The following LPCAT1 variants were observed in gnomAD, a reference collection of about 807,000 sequenced individuals.
LPCAT1 encodes 1-acylglycerol-3-phosphate O-acyltransferase.
In LPCAT1, 23 loss-of-function variants were observed where a neutral mutation model predicts 60.9. The ratio of observed to expected loss-of-function variants is 0.38; its 90% CI spans 0.27 to 0.53. The LOEUF is 0.53. Ranked by LOEUF, LPCAT1 falls within the 20% of genes least tolerant of loss-of-function variation. The pLI is 0.82. For synonymous variants in LPCAT1, 340 were observed against 301.1 expected (o/e 1.13, Z -1.34); for missense variants, 622 against 723.6 (o/e 0.86, Z 1.61).
rs1441599893 is a variant in LPCAT1, at chr5:1,477,758, C to T, written c.817-272G>A. ...AGAACATCTGGCTCTCTGATCTACA[C>T]TCACCCCCGTCAGTGCTCCTGGGAG... On this transcript the variant is annotated intron_variant, in intron 8 of 13. Coordinates refer to ENST00000283415, the MANE Select transcript of LPCAT1 (RefSeq NM_024830.5). The surrounding 1 kb of genome is among the most constrained non-coding windows in gnomAD (Gnocchi z 6.0). Among the ~76,000 whole-genome samples the T allele has an allele frequency of 4.0e-5, 6 of 149,698 alleles. No homozygotes were observed. The highest frequency in any genetic ancestry group is 7.4e-5 in the Non-Finnish European group (5 of 67,396).
chr5:1,465,518 CACACA>C (rs1041128362), intron 13 of LPCAT1, among the ~76,000 whole-genome samples: 1 of 150,518 alleles, frequency 6.6e-6, no homozygotes, highest in Non-Finnish European at 1.5e-5. Context: ...CGTGTGCACA[CACACA>C]AAACAAGCAC....
At chr5:1,471,016 G>C in intron 11 of LPCAT1, 92 bp from the exon 12 acceptor site, 1 of 978,890 alleles carries the variant, frequency 1.0e-6, no homozygotes. Context: ...TTAATTAAAG[G>C]CCAGTCCCAC....
At position 1,477,577 on chromosome 5, in the gene LPCAT1, A is replaced by G. The variant is rs1048331212; in HGVS notation, c.817-91T>C. On this transcript the variant is annotated intron_variant, in intron 8 of 13. Coordinates refer to ENST00000283415, the MANE Select transcript of LPCAT1 (RefSeq NM_024830.5). The surrounding 1 kb of genome is among the most constrained non-coding windows in gnomAD (Gnocchi z 6.0). ...CAACTGGGAGGCTGACAAAATTAAG[A>G]TCTGTCAAAGTAACGCCCATTAGAA... 10 of 973,110 alleles carry G rather than the reference A, an allele frequency of 1.0e-5. No homozygotes were observed. In the African/African-American group the frequency reaches 1.6e-4, roughly 16 times the overall value. 60.3% of individuals were successfully genotyped at this position (973,110 alleles called of 1,614,324 possible).
In LPCAT1 at chr5:1,474,657, T is replaced by A. The variant is rs1487658112; in HGVS notation, c.928A>T (p.Thr310Ser). 1 of 1,613,604 alleles carries A rather than the reference T, an allele frequency of 6.2e-7. No homozygotes were observed. The highest frequency in any genetic ancestry group is 8.5e-7 in the Non-Finnish European group (1 of 1,179,948). Residue 310 changes from threonine (T) to serine (S), a missense_variant, in exon 10 of 14, where the codon ACG (threonine) becomes TCG (serine). Coordinates refer to ENST00000283415, the MANE Select transcript of LPCAT1 (RefSeq NM_024830.5). ...AGGGCCAGCTGGCAGTCCTCGAACG[T>A]GTAGTCAGTCACGGAGACACCCAAG... The part of the protein sequence containing the change: ...EALGVSVTDY[T>S]FEDCQLALAE...
intron 1 of LPCAT1, among the ~76,000 whole-genome samples, chr5:1,517,552 C>A (rs1736541187): frequency 6.6e-6 from 1 of 152,234 alleles, no homozygotes; most frequent in African/African-American, 2.4e-5. Context: ...CGGGCATGGG[C>A]CAGACACCCA....
intron 3 of LPCAT1, among the ~76,000 whole-genome samples, chr5:1,490,198 A>G (rs1368530662): frequency 1.3e-5 from 2 of 152,242 alleles, no homozygotes; most frequent in African/African-American, 4.8e-5. Flanking sequence ...CACAGAGGAC[A>G]GGGTTGAAGG....
At chr5:1,488,498 T>C (rs774200726) in intron 4 of LPCAT1, 47 bp from the exon 5 acceptor site, 1 of 1,293,012 alleles carries the variant, frequency 7.7e-7, no homozygotes, top group East Asian at 2.3e-5. Context: ...TGTACATAAT[T>C]ATAATTCAGA....
In LPCAT1 at chr5:1,480,331, A is replaced by G. The variant is rs1421102821; in HGVS notation, c.761+611T>C. 29 of 984,364 alleles carry G rather than the reference A, an allele frequency of 2.9e-5. No homozygotes were observed. The highest frequency in any genetic ancestry group is 3.3e-5 in the Non-Finnish European group (27 of 829,740). The allele number at this position is 984,364 out of a possible 1,614,324, so 61.0% of individuals were successfully genotyped here. A position where few individuals can be genotyped will look rare whatever the true frequency, so the allele number is the denominator to read the frequency against. The stretch of plus-strand genomic sequence containing the variant: ...TTCACCTGAAAGCACCAGCGGACCC[A>G]CATCCTCCCAAACGCCTGGAATGGA... On this transcript the variant is annotated intron_variant, in intron 7 of 13. Transcript: ENST00000283415. This position sits in a 1 kb window ranked among gnomAD's most constrained non-coding sequence, Gnocchi z 6.4.
intron 12 of LPCAT1, among the ~76,000 whole-genome samples, chr5:1,470,036 C>G (rs1734603128): frequency 6.6e-6 from 1 of 152,252 alleles, no homozygotes; most frequent in Non-Finnish European, 1.5e-5. Context: ...AGAGGGTGTG[C>G]TGGCATCAGA....
chr5:1,478,121 C>T (rs752364492), intron 8 of LPCAT1, among the ~76,000 whole-genome samples: 8 of 152,270 alleles, frequency 5.3e-5, no homozygotes, highest in South Asian at 2.1e-4. Flanking sequence ...TTATTGGCAG[C>T]GTTTTGCCAC....
rs534296640 is a variant in LPCAT1, at chr5:1,463,377, GC to G, written c.*273del. 82 of 447,998 alleles carry G rather than the reference GC, an allele frequency of 1.8e-4. No homozygotes were observed. Among genetic ancestry groups the G allele is most frequent in the African/African-American group, 1.5e-3 (76 of 49,976 alleles). The allele number at this position is 447,998 out of a possible 1,614,324, so 27.8% of individuals were successfully genotyped here. A position where few individuals can be genotyped will look rare whatever the true frequency, so the allele number is the denominator to read the frequency against. On this transcript the variant is annotated 3_prime_UTR_variant, in exon 14 of 14. Coordinates refer to ENST00000283415, the MANE Select transcript of LPCAT1 (RefSeq NM_024830.5). ...TGGGAGAACACGGGGCGGCACCGGT[GC>G]CCCCCGCCCGGCAGGGAACCTGACC...
chr5:1,462,082 ATGTC>A lies in LPCAT1; in HGVS notation c.*1565_*1568del, dbSNP rs1419671043. The A allele has an allele frequency of 1.3e-5, 2 of 152,488 alleles. No homozygotes were observed. The highest frequency in any genetic ancestry group is 4.8e-5 in the African/African-American group (2 of 41,448). The allele number at this position is 152,488 out of a possible 1,614,324, so 9.4% of individuals were successfully genotyped here. On this transcript the variant is annotated 3_prime_UTR_variant, in exon 14 of 14. Transcript: ENST00000283415. ...AAACGGAGCTGAAGGTTGTTTTTAA[ATGTC>A]TGTCAGTGGAGAAACGCGTATCACG...
chr5:1,501,065 A>T (rs1019162656), intron 2 of LPCAT1, among the ~76,000 whole-genome samples: 2 of 152,068 alleles, frequency 1.3e-5, no homozygotes, highest in African/African-American at 4.8e-5. Flanking sequence ...CTGAGGTGGG[A>T]GGGGTAAGGG....
chr5:1,472,424 T>G (rs1181005361), intron 11 of LPCAT1, among the ~76,000 whole-genome samples: 1 of 151,244 alleles, frequency 6.6e-6, no homozygotes, highest in Non-Finnish European at 1.5e-5. Flanking sequence ...AGGCATGGGG[T>G]ACTGGGACTG....
intron 1 of LPCAT1, among the ~76,000 whole-genome samples, chr5:1,520,599 G>A (rs958284272): frequency 2.0e-5 from 3 of 152,108 alleles, no homozygotes; most frequent in Non-Finnish European, 2.9e-5. Flanking sequence ...GGTGGTTCAC[G>A]CCTGTAATCC....
intron 1 of LPCAT1, among the ~76,000 whole-genome samples, chr5:1,503,566 C>T (rs992970814): frequency 6.6e-6 from 1 of 152,230 alleles, no homozygotes; most frequent in African/African-American, 2.4e-5. Context: ...ATTGCTAGGT[C>T]TGTTGGCCAC....
chr5:1,467,660 C>G (rs1278356894), intron 12 of LPCAT1, among the ~76,000 whole-genome samples: 1 of 151,854 alleles, frequency 6.6e-6, no homozygotes, highest in Non-Finnish European at 1.5e-5. Context: ...CCTCTACCTC[C>G]TTGGAAACAC....
intron 12 of LPCAT1, among the ~76,000 whole-genome samples, chr5:1,469,714 T>C (rs1734590237): frequency 6.6e-6 from 1 of 151,038 alleles, no homozygotes; most frequent in Admixed American, 6.6e-5. Flanking sequence ...GAGGCAGAGG[T>C]TGGTTGCAGT....
At chr5:1,518,265 A>G (rs1283559816) in intron 1 of LPCAT1, among the ~76,000 whole-genome samples, 1 of 152,236 alleles carries the variant, frequency 6.6e-6, no homozygotes, top group East Asian at 1.9e-4. Context: ...CACAGCTGAA[A>G]AAAAAGAGAA....
Sources: gnomAD v4.1 joint callset for allele counts (sites outside exome capture counted in the v4.1 genomes callset) on GRCh38, gnomAD v4.1.1 for gene constraint, Gnocchi (gnomAD v3.1) non-coding constraint, MANE v1.5 for transcripts, NCBI Gene and HGNC (gene_info 2026-07-23, HGNC 2026-07-21) for gene names.